Variants in CDH4 observed in about 807,000 individuals in gnomAD.
CDH4 encodes the protein cadherin-4.
A neutral mutation model predicts 86.0 loss-of-function variants in CDH4; 33 were observed. That is an observed-to-expected ratio of 0.38 (90% CI 0.29 to 0.51). The LOEUF is 0.51. Among genes scored for constraint, CDH4 ranks in the 20% least tolerant of loss-of-function variants. The probability of loss-of-function intolerance (pLI) is 0.86; values close to 1 mark genes in which losing one functional copy is unlikely to be tolerated. For missense variants in CDH4, 1,114 were observed against 1,307.4 expected (o/e 0.85, Z 2.28); for synonymous variants, 555 against 549.4 (o/e 1.01, Z -0.14).
intron 6 of CDH4, among the ~76,000 whole-genome samples, chr20:61,853,669 C>T (rs1404169832): frequency 6.6e-6 from 1 of 152,192 alleles, no homozygotes; most frequent in East Asian, 1.9e-4. Context: ...TCAGGGCGCA[C>T]ATGGGTTAGA....
At chr20:61,577,202 ATATGTT>A (rs2086388676) in intron 2 of CDH4, among the ~76,000 whole-genome samples, 1 of 146,756 alleles carries the variant, frequency 6.8e-6, no homozygotes, top group Non-Finnish European at 1.5e-5. Flanking sequence ...AAGGTTGAGT[ATATGTT>A]TGTGTGTTGA....
At position 61,794,142 on chromosome 20, in the gene CDH4, C is replaced by CA. The variant is rs59426596; in HGVS notation, c.576+20975dup. Among the ~76,000 whole-genome samples the CA allele has an allele frequency of 6.1e-4, 74 of 121,630 alleles. 1 individual carries two copies. Among genetic ancestry groups the CA allele is most frequent in the Middle Eastern group, 4.1e-3 (1 of 244 alleles). The allele number at this position is 121,630 out of a possible 152,430, so 79.8% of individuals were successfully genotyped here. A position where few individuals can be genotyped will look rare whatever the true frequency, so the allele number is the denominator to read the frequency against. ...TGGGCAACAGAGTGAGACTCTATCT[C>CA]AAAAAAAAAAAAAAAGAATGAGCCT... On this transcript the variant is annotated intron_variant, in intron 4 of 15. Coordinates refer to ENST00000614565, the MANE Select transcript of CDH4 (RefSeq NM_001794.5).
chr20:61,311,937 G>A (rs2084447716), intron 2 of CDH4, among the ~76,000 whole-genome samples: 1 of 152,274 alleles, frequency 6.6e-6, no homozygotes, highest in African/African-American at 2.4e-5. Flanking sequence ...GCCCGAGCCT[G>A]TGAGGTCATT....
At chr20:61,841,499 A>C (rs1264557949) in intron 4 of CDH4, among the ~76,000 whole-genome samples, 1 of 152,090 alleles carries the variant, frequency 6.6e-6, no homozygotes, top group Non-Finnish European at 1.5e-5. Flanking sequence ...GGCCTGCAGG[A>C]ATAACGTTGC....
chr20:61,553,246 CAG>C (rs894954732), intron 2 of CDH4, among the ~76,000 whole-genome samples: 22 of 152,264 alleles, frequency 1.4e-4, no homozygotes, highest in African/African-American at 3.6e-4. Context: ...TCTGCAGAAA[CAG>C]AAAGTATTTT....
chr20:61,433,786 T>G (rs1218391729), intron 2 of CDH4, among the ~76,000 whole-genome samples: 1 of 151,888 alleles, frequency 6.6e-6, no homozygotes, highest in Non-Finnish European at 1.5e-5. Context: ...CCCTGGAGGG[T>G]GTGTCCCTTT....
chr20:61,605,661 C>CT (rs2086639068), intron 2 of CDH4, among the ~76,000 whole-genome samples: 1 of 152,200 alleles, frequency 6.6e-6, no homozygotes, highest in African/African-American at 2.4e-5. Flanking sequence ...CTATCTCTGT[C>CT]TTTTTCTGGC....
chr20:61,606,515 T>C (rs900442890), intron 2 of CDH4, among the ~76,000 whole-genome samples: 4 of 152,228 alleles, frequency 2.6e-5, no homozygotes, highest in African/African-American at 9.6e-5. Flanking sequence ...AAGTGCCCTG[T>C]CCTGTGAACA....
At chr20:61,906,103 C>T (rs1336266072) in intron 8 of CDH4, among the ~76,000 whole-genome samples, 2 of 152,206 alleles carry the variant, frequency 1.3e-5, no homozygotes, top group Non-Finnish European at 2.9e-5. Context: ...CAGAACTGAC[C>T]CCTAATTGGC....
chr20:61,669,249 G>C (rs1164694169), intron 2 of CDH4, among the ~76,000 whole-genome samples: 3 of 152,228 alleles, frequency 2.0e-5, no homozygotes, highest in Non-Finnish European at 4.4e-5. Flanking sequence ...GTTAAAGGGA[G>C]CCAGTCCCGT....
intron 2 of CDH4, among the ~76,000 whole-genome samples, chr20:61,273,189 G>T (rs2084194623): frequency 7.7e-6 from 1 of 129,056 alleles, no homozygotes; most frequent in African/African-American, 3.0e-5. Flanking sequence ...GTGCAGTTTG[G>T]GGGAGCACCA....
Position 61,579,422 on chromosome 20 carries a change from G to A in CDH4, c.170-164141G>A, listed in dbSNP as rs138061988. 6.0e-3 allele frequency among the ~76,000 whole-genome samples: 910 copies of A among 152,026 alleles called. 4 individuals are homozygous for A. Among genetic ancestry groups the A allele is most frequent in the Middle Eastern group, 0.017 (5 of 294 alleles). On this transcript the variant is annotated intron_variant, in intron 2 of 15. Transcript: ENST00000614565. ...TTGCCTCAACCTCCTGAGTAGCTGG[G>A]ATTACAGGCAGGCATCACCATGCCT...
At chr20:61,351,749 C>G (rs2084713984) in intron 2 of CDH4, among the ~76,000 whole-genome samples, 1 of 150,420 alleles carries the variant, frequency 6.6e-6, no homozygotes, top group African/African-American at 2.5e-5. Context: ...GACAGTCTCA[C>G]TCTGTCGCCC....
At chr20:61,302,453 G>C (rs955443531) in intron 2 of CDH4, among the ~76,000 whole-genome samples, 1 of 151,780 alleles carries the variant, frequency 6.6e-6, no homozygotes, top group Middle Eastern at 3.2e-3. Flanking sequence ...AAGCATCCAG[G>C]ATGTTTCCTG....
intron 2 of CDH4, among the ~76,000 whole-genome samples, chr20:61,452,324 A>G (rs2085385468): frequency 6.6e-6 from 1 of 152,220 alleles, no homozygotes; most frequent in Admixed American, 6.5e-5. Context: ...CCCTCATTTA[A>G]GGATTTCCTT....
chr20:61,590,878 G>GGGT (rs1568700959), intron 2 of CDH4, among the ~76,000 whole-genome samples: 14 of 59,892 alleles, frequency 2.3e-4, no homozygotes, highest in African/African-American at 7.2e-4. Context: ...TAAATCTATG[G>GGGT]GGGGGGGGGT....
At chr20:61,753,723 A>G (rs528492212) in intron 3 of CDH4, among the ~76,000 whole-genome samples, 16 of 152,204 alleles carry the variant, frequency 1.1e-4, no homozygotes, top group Non-Finnish European at 1.9e-4. Flanking sequence ...TGAAACTAAT[A>G]TTGTATCTTC....
chr20:61,686,268 C>A (rs750977656), intron 2 of CDH4, among the ~76,000 whole-genome samples: 22 of 152,260 alleles, frequency 1.4e-4, no homozygotes, highest in Non-Finnish European at 2.9e-4. Context: ...CCAGTCTCCA[C>A]ATCTGCGTGG....
chr20:61,912,926 G>A (rs1416788692), intron 9 of CDH4, among the ~76,000 whole-genome samples: 1 of 152,214 alleles, frequency 6.6e-6, no homozygotes, highest in Middle Eastern at 3.2e-3. Flanking sequence ...CAGCTGCTTT[G>A]CTGGCAACGT....
Sources: gnomAD v4.1 joint callset for allele counts (sites outside exome capture counted in the v4.1 genomes callset) on GRCh38, gnomAD v4.1.1 for gene constraint, MANE v1.5 for transcripts, NCBI Gene and HGNC (gene_info 2026-07-23, HGNC 2026-07-21) for gene names.